AGBL1: variants seen among roughly 807,000 people sequenced by gnomAD.
The protein encoded by AGBL1 is AGBL carboxypeptidase 1, also known as cytosolic carboxypeptidase 4.
In AGBL1, 130 loss-of-function variants were observed where a neutral mutation model predicts 118.9. That is an observed-to-expected ratio of 1.09 (90% CI 0.95 to 1.26). The LOEUF (loss-of-function observed/expected upper bound fraction) is 1.26. Ranked by LOEUF, AGBL1 falls within the 50% of genes most tolerant of loss-of-function variation. AGBL1 has a pLI of 0.00. For missense variants in AGBL1, 1,584 were observed against 1,298.1 expected (o/e 1.22, Z -3.38); for synonymous variants, 555 against 478.9 (o/e 1.16, Z -2.08).
chr15:86,858,596 G>A (rs1187832301), intron 22 of AGBL1, among the ~76,000 whole-genome samples: 2 of 152,096 alleles, frequency 1.3e-5, no homozygotes, highest in East Asian at 3.9e-4. Context: ...GGAGACTGTT[G>A]TAAGCACTGA....
At chr15:86,096,377 T>C (rs1188191107) in intron 1 of AGBL1, among the ~76,000 whole-genome samples, 3 of 152,182 alleles carry the variant, frequency 2.0e-5, no homozygotes, top group Admixed American at 6.5e-5. Flanking sequence ...ATAAACACTT[T>C]ACTGAGAATA....
chr15:86,810,867 G>A (rs1000294914), intron 22 of AGBL1, among the ~76,000 whole-genome samples: 2 of 152,148 alleles, frequency 1.3e-5, no homozygotes, highest in African/African-American at 4.8e-5. Flanking sequence ...GCAAGATTCA[G>A]GCCACACCTC....
chr15:86,390,639 A>C (rs12910282), intron 17 of AGBL1, among the ~76,000 whole-genome samples: 1 of 150,510 alleles, frequency 6.6e-6, no homozygotes, highest in Admixed American at 6.6e-5. Flanking sequence ...GAAGCCAGGC[A>C]GAAAAGTTAT....
chr15:86,674,471 C>T, intron 22 of AGBL1, 35 bp downstream of exon 22: 1 of 1,580,738 alleles, frequency 6.3e-7, no homozygotes, highest in South Asian at 1.1e-5. Flanking sequence ...GAAATTTGGA[C>T]CTTGGTGGTT....
At chr15:86,109,827 A>G (rs1461806992) in intron 1 of AGBL1, 1 of 152,192 alleles carries the variant, frequency 6.6e-6, no homozygotes, top group Non-Finnish European at 1.5e-5. Context: ...CCTTCCTGTT[A>G]TGATGCTGGG....
At chr15:86,549,534 A>C (rs1457713606) in intron 20 of AGBL1, among the ~76,000 whole-genome samples, 1 of 152,092 alleles carries the variant, frequency 6.6e-6, no homozygotes, top group Non-Finnish European at 1.5e-5. Flanking sequence ...AAACATTTAA[A>C]AAATAGAATC....
chr15:86,820,473 T>A (rs773090854), intron 22 of AGBL1, among the ~76,000 whole-genome samples: 1 of 151,840 alleles, frequency 6.6e-6, no homozygotes, highest in Non-Finnish European at 1.5e-5. Context: ...AAAAGGAACT[T>A]AAACAAATTT....
intron 22 of AGBL1, among the ~76,000 whole-genome samples, chr15:86,824,013 G>C (rs949537752): frequency 2.6e-5 from 4 of 152,042 alleles, no homozygotes; most frequent in African/African-American, 4.8e-5. Flanking sequence ...CTGATGATTG[G>C]GAACAAGGCA....
At chr15:86,717,117 A>G (rs555556488) in intron 22 of AGBL1, among the ~76,000 whole-genome samples, 6 of 152,352 alleles carry the variant, frequency 3.9e-5, no homozygotes, top group African/African-American at 1.4e-4. Context: ...GTCCTAGGTG[A>G]CAAAATGGTT....
chr15:86,626,907 G>C (rs1015558903), intron 21 of AGBL1, among the ~76,000 whole-genome samples: 1 of 143,166 alleles, frequency 7.0e-6, no homozygotes, highest in East Asian at 2.1e-4. Context: ...GCACAATCTT[G>C]GCTCACTGCA....
intron 24 of AGBL1, among the ~76,000 whole-genome samples, chr15:87,020,117 T>A (rs1325769794): frequency 6.6e-6 from 1 of 151,958 alleles, no homozygotes; most frequent in African/African-American, 2.4e-5. Flanking sequence ...GAGGCAGTAA[T>A]AGATAGCCTA....
chr15:86,617,078 C>A (rs2084738611), intron 21 of AGBL1, among the ~76,000 whole-genome samples: 1 of 152,162 alleles, frequency 6.6e-6, no homozygotes, highest in African/African-American at 2.4e-5. Flanking sequence ...ATGTAAAAAT[C>A]TATTCCTCAA....
chr15:86,423,512 A>T (rs949866877), intron 18 of AGBL1, among the ~76,000 whole-genome samples: 4 of 152,200 alleles, frequency 2.6e-5, no homozygotes, highest in African/African-American at 9.6e-5. Context: ...CTCCTATTCA[A>T]CATAGTATTT....
At chr15:86,122,244 G>T (rs1305380222) in intron 1 of AGBL1, among the ~76,000 whole-genome samples, 1 of 152,158 alleles carries the variant, frequency 6.6e-6, no homozygotes, top group Non-Finnish European at 1.5e-5. Context: ...TGTTGCAAAC[G>T]GAGTAATGGG....
intron 24 of AGBL1, among the ~76,000 whole-genome samples, chr15:87,010,846 C>G (rs1360125417): frequency 6.6e-6 from 1 of 152,152 alleles, no homozygotes; most frequent in Non-Finnish European, 1.5e-5. Context: ...ACATACTTAC[C>G]TACCCACCTA....
At chr15:86,826,999 A>G (rs532501995) in intron 22 of AGBL1, among the ~76,000 whole-genome samples, 1 of 151,732 alleles carries the variant, frequency 6.6e-6, no homozygotes, top group Non-Finnish European at 1.5e-5. Flanking sequence ...GTGACTTTTG[A>G]TTAAAGGCAA....
intron 1 of AGBL1, among the ~76,000 whole-genome samples, chr15:86,094,966 T>C (rs1896262986): frequency 6.6e-6 from 1 of 152,190 alleles, no homozygotes; most frequent in South Asian, 2.1e-4. Flanking sequence ...TCCGACCAAT[T>C]GGCTTCATAG....
At chr15:86,496,650 T>C (rs1276999555) in intron 18 of AGBL1, among the ~76,000 whole-genome samples, 2 of 152,006 alleles carry the variant, frequency 1.3e-5, no homozygotes, top group South Asian at 2.1e-4. Flanking sequence ...TTTTTAACAA[T>C]GTATTTTTTT....
intron 3 of AGBL1, among the ~76,000 whole-genome samples, chr15:86,149,662 CCA>C (rs1479135038): frequency 1.3e-5 from 2 of 152,086 alleles, no homozygotes; most frequent in Non-Finnish European, 2.9e-5. Context: ...ACTTAGACTC[CCA>C]CACAATAATA....
Sources: gnomAD v4.1 joint callset for allele counts (sites outside exome capture counted in the v4.1 genomes callset) on GRCh38, gnomAD v4.1.1 for gene constraint, MANE v1.5 for transcripts, NCBI Gene and HGNC (gene_info 2026-07-23, HGNC 2026-07-21) for gene names.